AGXT: variants seen among roughly 807,000 people sequenced by gnomAD.
AGXT encodes the protein alanine--glyoxylate aminotransferase.
AGXT carries 41 observed loss-of-function variants against 46.9 expected under a neutral mutation model. The ratio of observed to expected loss-of-function variants is 0.88; its 90% confidence interval spans 0.68 to 1.14. The LOEUF (loss-of-function observed/expected upper bound fraction) is 1.14, where lower values mean the gene tolerates loss of function less well. Among genes scored for constraint, AGXT ranks in the 50% most tolerant of loss-of-function variants. The pLI, the probability that AGXT is intolerant of heterozygous loss-of-function variation, is 0.00. For missense variants in AGXT, 525 were observed against 522.7 expected, an observed-to-expected ratio of 1.00 and a Z score of -0.04; for synonymous variants, 244 against 227.9, an observed-to-expected ratio of 1.07 and a Z score of -0.64.
At chr2:240,869,634 A>G (rs1187845284) in intron 2 of AGXT, among the ~76,000 whole-genome samples, 1 of 152,166 alleles carries the variant, frequency 6.6e-6, no homozygotes, top group Non-Finnish European at 1.5e-5. Flanking sequence ...GGACGGAACT[A>G]CAGGGAAGCC....
At position 240,877,517 on chromosome 2, in the gene AGXT, C is replaced by T; in HGVS notation, c.847-20C>T. 6.5e-7 allele frequency: 1 copy of T among 1,539,646 alleles called. No individual in the cohort carries two copies. Among genetic ancestry groups the T allele is most frequent in the Non-Finnish European group, 8.8e-7 (1 of 1,139,756 alleles). ...CCACCCCACCCATGTCACTGCCCAC[C>T]AGCGCCATCTCCCACACAGGGCCTG... On this transcript the variant is annotated intron_variant, in intron 8 of 10. Coordinates refer to ENST00000307503, the MANE Select transcript of AGXT (RefSeq NM_000030.3).
intron 5 of AGXT, among the ~76,000 whole-genome samples, chr2:240,873,685 C>T (rs1369523219): frequency 6.6e-6 from 1 of 152,122 alleles, no homozygotes; most frequent in Non-Finnish European, 1.5e-5. Flanking sequence ...CTACTGAAAG[C>T]AGGGACCTGG....
rs761064900 is a variant in AGXT at position 240,868,915 on chromosome 2, C to T, written c.50C>T (p.Pro17Leu). 3 of 1,613,210 alleles carry T rather than the reference C, an allele frequency of 1.9e-6. No individual in the cohort carries two copies. In the African/African-American group the frequency reaches 4.0e-5, roughly 22 times the overall value. Residue 17 changes from proline to leucine, a missense_variant, in exon 1 of 11, where the codon CCC becomes CTC. Transcript: ENST00000307503. ...ACCCCCCCCAAGGCCCTGCTCAAGC[C>T]CCTCTCCATCCCCAACCAGCTCCTG... is the stretch of plus-strand genomic sequence containing the variant. Reference protein sequence around the residue: ...LVTPPKALLKPLSIPNQLLLG... With the variant: ...LVTPPKALLKLLSIPNQLLLG...
chr2:240,872,614 C>G (rs2058998390), intron 4 of AGXT, among the ~76,000 whole-genome samples: 1 of 152,076 alleles, frequency 6.6e-6, no homozygotes, highest in Non-Finnish European at 1.5e-5. Flanking sequence ...TGGTGCCACC[C>G]TGGTCCCTGG....
At chr2:240,872,483 G>T (rs976412156) in intron 4 of AGXT, among the ~76,000 whole-genome samples, 2 of 151,382 alleles carry the variant, frequency 1.3e-5, no homozygotes, top group Non-Finnish European at 3.0e-5. Context: ...TGAACATGGA[G>T]GCGGAGGAGG....
Position 240,875,115 on chromosome 2 carries a change from G to A in AGXT, c.687G>A (p.Lys229=), listed in dbSNP as rs770627873. ...CCTGCTTCTTTCTCCCCAGAAAGAA[G>A]ATGTACTCCCGCAAGACGAAGCCCT... The part of the protein sequence containing the change: ...LISFSDKAKK[K]MYSRKTKPFS... Residue 229 remains lysine (K), a synonymous_variant, in exon 7 of 11, where the codon AAG becomes AAA. Coordinates refer to ENST00000307503, the MANE Select transcript of AGXT (RefSeq NM_000030.3). 13 of 1,611,682 alleles carry A rather than the reference G, an allele frequency of 8.1e-6. No homozygotes were observed. Among genetic ancestry groups the A allele is most frequent in the Non-Finnish European group, 9.3e-6 (11 of 1,177,908 alleles).
intron 5 of AGXT, chr2:240,873,419 G>T: frequency 3.2e-6 from 1 of 308,884 alleles, no homozygotes; most frequent in Non-Finnish European, 6.1e-6. Flanking sequence ...TTTCACATCT[G>T]CCCTGCGCCC....
At position 240,873,883 on chromosome 2, in the gene AGXT, G is replaced by C. The variant is rs549809199; in HGVS notation, c.596-95G>C. ...TCGTGTACGGATTCGTGGTAGGGTC[G>C]TAGCCTACCAGCCCATTAGCTAGGC... On this transcript the variant is annotated intron_variant, in intron 5 of 10. Coordinates refer to ENST00000307503, the MANE Select transcript of AGXT (RefSeq NM_000030.3). 251 of 1,123,558 alleles carry C rather than the reference G, an allele frequency of 2.2e-4. 5 individuals carry two copies. The African/African-American group carries it at 3.6e-3, about 16-fold the overall frequency. 69.6% of individuals were successfully genotyped at this position (1,123,558 alleles called of 1,614,324 possible).
At position 240,872,998 on chromosome 2, in the gene AGXT, G is replaced by C; in HGVS notation, c.544G>C (p.Val182Leu). ...CTCCAGGTACAAGTGCCTGCTCCTG[G>C]TGGATTCGGTGGCATCCCTGGGCGG... ...LCHRYKCLLL[V>L]DSVASLGGTP... is the part of the protein sequence containing the mutation. The change falls in exon 5 of 11, where the codon GTG becomes CTG. Residue 182 changes from valine (V) to leucine (L), a missense_variant. Physicochemically the swap from Val to Leu is conservative, Grantham distance 32. Transcript: ENST00000307503. 1 of 1,613,976 alleles carries C rather than the reference G, an allele frequency of 6.2e-7. No individual in the cohort carries two copies. The highest frequency in any genetic ancestry group is 8.5e-7 in the Non-Finnish European group (1 of 1,179,942).
Position 240,878,762 on chromosome 2 carries a change from G to T in AGXT, c.1120G>T (p.Asp374Tyr). 6.3e-7 allele frequency: 1 copy of T among 1,591,536 alleles called. No individual in the cohort carries two copies. Reference sequence around the variant, plus strand: ...CTGCAATGCCACCCGCGAGAATGTGGACCGCGTGACGGAGGCCCTGAGGGC... The same window carrying T: ...CTGCAATGCCACCCGCGAGAATGTGTACCGCGTGACGGAGGCCCTGAGGGC... ...LGCNATRENV[D>Y]RVTEALRAAL... is the part of the protein sequence containing the mutation. Residue 374 changes from aspartate (D) to tyrosine (Y), a missense_variant, in exon 11 of 11, where the codon GAC becomes TAC. Coordinates refer to ENST00000307503, the MANE Select transcript of AGXT (RefSeq NM_000030.3).
chr2:240,869,658 C>A (rs575043713), intron 2 of AGXT, among the ~76,000 whole-genome samples: 25 of 152,330 alleles, frequency 1.6e-4, no homozygotes, highest in Non-Finnish European at 5.9e-5. Context: ...GGTCCCAGCA[C>A]ACACTCCTGA....
chr2:240,877,542 G>A lies in AGXT; in HGVS notation c.852G>A (p.Leu284=). The A allele has an allele frequency of 6.5e-7, 1 of 1,548,850 alleles. No homozygotes were observed. Among genetic ancestry groups the A allele is most frequent in the South Asian group, 1.2e-5 (1 of 83,778 alleles). Reference sequence around the variant, plus strand: ...CAGCGCCATCTCCCACACAGGGCCTGGAGAACAGCTGGCGCCAGCACCGCG... The same window carrying A: ...CAGCGCCATCTCCCACACAGGGCCTAGAGAACAGCTGGCGCCAGCACCGCG... The part of the protein sequence containing the change: ...ESLALIAEQG[L]ENSWRQHREA... The change falls in exon 9 of 11, where the codon CTG becomes CTA. Residue 284 remains leucine, a synonymous_variant. Transcript: ENST00000307503.
rs1362157530 is a variant in AGXT at position 240,873,186 on chromosome 2, T to C, written c.595+137T>C. 1.1e-5 allele frequency: 8 copies of C among 736,650 alleles called. No individual in the cohort carries two copies. The East Asian group carries it at 1.6e-4, about 14-fold the overall frequency. The allele number at this position is 736,650 out of a possible 1,614,324, so 45.6% of individuals were successfully genotyped here. On this transcript the variant is annotated intron_variant, in intron 5 of 10. Coordinates refer to ENST00000307503, the MANE Select transcript of AGXT (RefSeq NM_000030.3). ...ATCTCCACCAGGCCCAGGGAAACAC[T>C]CACTCCTTACTGCGGCAAGAGCGGC... is the stretch of plus-strand genomic sequence containing the variant.
rs2059055207 is a variant in AGXT, at chr2:240,880,426, T to C, written c.*1605T>C. On this transcript the variant is annotated 3_prime_UTR_variant, in exon 11 of 11. Coordinates refer to ENST00000307503, the MANE Select transcript of AGXT (RefSeq NM_000030.3). Reference sequence around the variant, plus strand: ...CTTCTGAAAAGTGTCAGTTCAAATATTTTGTTCATATTTGGATTTTTATCT... The same window carrying C: ...CTTCTGAAAAGTGTCAGTTCAAATACTTTGTTCATATTTGGATTTTTATCT... The C allele has an allele frequency of 6.6e-6, 1 of 152,080 alleles. No homozygotes were observed. The highest frequency in any genetic ancestry group is 2.1e-4 in the South Asian group (1 of 4,812). The allele number at this position is 152,080 out of a possible 1,614,324, so 9.4% of individuals were successfully genotyped here.
intron 5 of AGXT, 135 bp downstream of exon 5, chr2:240,873,184 A>G (rs1434447623): frequency 2.7e-6 from 2 of 742,246 alleles, no homozygotes; most frequent in Admixed American, 2.2e-5. Flanking sequence ...CCAGGGAAAC[A>G]CTCACTCCTT....
chr2:240,873,065 G>C lies in AGXT; in HGVS notation c.595+16G>C. The C allele has an allele frequency of 6.2e-7, 1 of 1,609,888 alleles. No individual in the cohort carries two copies. The highest frequency in any genetic ancestry group is 8.5e-7 in the Non-Finnish European group (1 of 1,176,892). On this transcript the variant is annotated intron_variant, in intron 5 of 10. Transcript: ENST00000307503. Reference sequence around the variant, plus strand: ...GACCGGCAAGGTAAGGGTGGGCTCTGAGAGCCCTACCCAGCCCAAGCAGCC... The same window carrying C: ...GACCGGCAAGGTAAGGGTGGGCTCTCAGAGCCCTACCCAGCCCAAGCAGCC...
Position 240,868,831 on chromosome 2 carries a change from C to T in AGXT, c.-35C>T. On this transcript the variant is annotated 5_prime_UTR_variant, in exon 1 of 11. Transcript: ENST00000307503. ...CAGGCTTTGGCCAAGGCCAGTGCAG[C>T]CCCAGGTTCCCGAGCGGCAGGTTGG... 1 of 1,597,836 alleles carries T rather than the reference C, an allele frequency of 6.3e-7. No homozygotes were observed. Among genetic ancestry groups the T allele is most frequent in the Non-Finnish European group, 8.5e-7 (1 of 1,172,236 alleles).
chr2:240,872,911 T>C, intron 4 of AGXT, 68 bp from the exon 5 acceptor site: 5 of 1,395,856 alleles, frequency 3.6e-6, no homozygotes, highest in Non-Finnish European at 4.1e-6. Context: ...CCATCCAGCC[T>C]GGGGCCAGGC....
chr2:240,878,815 G>A lies in AGXT; in HGVS notation c.1173G>A (p.Lys391=), dbSNP rs2106432454. Residue 391 remains lysine (K), a synonymous_variant, in exon 11 of 11, where the codon AAG becomes AAA. Transcript: ENST00000307503. Reference sequence around the variant, plus strand: ...CCCTGCAGCACTGCCCCAAGAAGAAGCTGTGACCTGCCCACTGGCACACAG... The same window carrying A: ...CCCTGCAGCACTGCCCCAAGAAGAAACTGTGACCTGCCCACTGGCACACAG... ...RAALQHCPKK[K]L The A allele has an allele frequency of 6.3e-7, 1 of 1,589,584 alleles. No homozygotes were observed. Among genetic ancestry groups the A allele is most frequent in the South Asian group, 1.1e-5 (1 of 87,036 alleles).
Sources: gnomAD v4.1 joint callset for allele counts (sites outside exome capture counted in the v4.1 genomes callset) on GRCh38, gnomAD v4.1.1 for gene constraint, MANE v1.5 for transcripts, NCBI Gene and HGNC (gene_info 2026-07-23, HGNC 2026-07-21) for gene names.